Variants in DSCAM observed in about 807,000 individuals in gnomAD.
DSCAM encodes the protein DS cell adhesion molecule.
In DSCAM, 47 loss-of-function variants were observed where a neutral mutation model predicts 217.7. The observed-to-expected ratio is 0.22, with a 90% CI of 0.17 to 0.28. The LOEUF is 0.28. DSCAM is among the 10% of genes least tolerant of loss of function. DSCAM has a pLI of 1.00. For synonymous variants in DSCAM, 1,056 were observed against 1,015.3 expected (o/e 1.04, Z -0.76); for missense variants, 2,080 against 2,618.3 (o/e 0.79, Z 4.49).
At chr21:40,107,301 A>G (rs1002541416) in intron 20 of DSCAM, among the ~76,000 whole-genome samples, 9 of 152,190 alleles carry the variant, frequency 5.9e-5, no homozygotes, top group East Asian at 3.9e-4. Flanking sequence ...ATTTCTTAGT[A>G]TTGATTTTGA....
intron 26 of DSCAM, among the ~76,000 whole-genome samples, 164 bp from the exon 27 acceptor site, chr21:40,075,377 A>G (rs957902912): frequency 6.6e-6 from 1 of 152,046 alleles, no homozygotes; most frequent in African/African-American, 2.4e-5. Flanking sequence ...TTTTTTTCTT[A>G]TTTATTTCCC....
intron 3 of DSCAM, among the ~76,000 whole-genome samples, chr21:40,637,282 T>A (rs865800131): frequency 6.0e-5 from 1 of 16,648 alleles, no homozygotes; most frequent in Admixed American, 1.7e-3. Flanking sequence ...TATATATATA[T>A]AAATATATAT....
intron 3 of DSCAM, among the ~76,000 whole-genome samples, chr21:40,636,924 A>G (rs1291544750): frequency 1.3e-5 from 2 of 150,250 alleles, no homozygotes; most frequent in Admixed American, 1.4e-4. Context: ...ATCCAAGCGG[A>G]ATCAAGCCCA....
chr21:40,762,317 G>C (rs2146587109), intron 1 of DSCAM, among the ~76,000 whole-genome samples: 1 of 152,172 alleles, frequency 6.6e-6, no homozygotes, highest in Admixed American at 6.5e-5. Context: ...ACTACCATAA[G>C]AGAATACTAT....
intron 3 of DSCAM, among the ~76,000 whole-genome samples, chr21:40,392,634 C>T (rs574780234): frequency 1.3e-5 from 2 of 152,232 alleles, no homozygotes; most frequent in South Asian, 4.1e-4. Flanking sequence ...GTATCTCAGA[C>T]GCAGAAGGGA....
intron 3 of DSCAM, among the ~76,000 whole-genome samples, chr21:40,593,037 G>A (rs1293540792): frequency 6.6e-6 from 1 of 152,210 alleles, no homozygotes; most frequent in African/African-American, 2.4e-5. Context: ...CTGGATTAGA[G>A]TTCAAAATTA....
Position 40,139,830 on chromosome 21 carries a change from G to A in DSCAM, c.3406+2728C>T, listed in dbSNP as rs537506421. On this transcript the variant is annotated intron_variant, in intron 18 of 32. Transcript: ENST00000400454. ...TGTGTGGTGTGTGTGTGTGGTATGC[G>A]TGGTGTGGTATGTGTGGTGTATGTG... is the stretch of plus-strand genomic sequence containing the variant. Among the ~76,000 whole-genome samples the A allele has an allele frequency of 8.0e-5, 12 of 150,732 alleles. No individual in the cohort carries two copies. In the East Asian group the frequency reaches 9.8e-4, roughly 12 times the overall value.
At chr21:40,843,790 C>CTT (rs56383167) in intron 1 of DSCAM, among the ~76,000 whole-genome samples, 9 of 118,972 alleles carry the variant, frequency 7.6e-5, no homozygotes, top group East Asian at 2.4e-4. Context: ...CTGACTTCTT[C>CTT]TTTTTTTTTT....
chr21:40,629,273 C>T (rs2837757), intron 3 of DSCAM, among the ~76,000 whole-genome samples: 11,423 of 152,134 alleles, frequency 0.075, 529 homozygotes, highest in African/African-American at 0.11. Context: ...TACATTTCTT[C>T]GAACCCTTTA....
intron 18 of DSCAM, among the ~76,000 whole-genome samples, chr21:40,135,875 G>T (rs755454670): frequency 6.6e-6 from 1 of 152,254 alleles, no homozygotes; most frequent in Non-Finnish European, 1.5e-5. Context: ...GATGGCTGAG[G>T]CCTGTCCCTC....
intron 11 of DSCAM, among the ~76,000 whole-genome samples, chr21:40,240,956 C>A (rs971746599): frequency 1.3e-5 from 2 of 152,106 alleles, no homozygotes; most frequent in African/African-American, 4.8e-5. Context: ...TGAAACTGGA[C>A]CCCTTCCTTA....
chr21:40,032,318 T>C (rs967258321), intron 32 of DSCAM, among the ~76,000 whole-genome samples: 5 of 152,178 alleles, frequency 3.3e-5, no homozygotes, highest in African/African-American at 1.2e-4. Context: ...CCGTCTTTTA[T>C]TCAGATCTAC....
At chr21:40,202,422 C>G (rs887920501) in intron 11 of DSCAM, among the ~76,000 whole-genome samples, 1 of 152,230 alleles carries the variant, frequency 6.6e-6, no homozygotes, top group Non-Finnish European at 1.5e-5. Context: ...TTGTCTCCAT[C>G]ACCCACTGCA....
At chr21:40,021,464 C>A (rs1284604667) in intron 32 of DSCAM, among the ~76,000 whole-genome samples, 2 of 152,138 alleles carry the variant, frequency 1.3e-5, no homozygotes, top group Non-Finnish European at 2.9e-5. Context: ...CCATCCATCA[C>A]TGGGGCACCC....
intron 1 of DSCAM, among the ~76,000 whole-genome samples, chr21:40,797,306 T>C (rs1450239869): frequency 1.3e-5 from 2 of 152,212 alleles, no homozygotes; most frequent in Admixed American, 1.3e-4. Flanking sequence ...ATAACACTTA[T>C]GGATGCTGCT....
chr21:40,501,680 C>T lies in DSCAM; in HGVS notation c.509-132435G>A, dbSNP rs182323506. On this transcript the variant is annotated intron_variant, in intron 3 of 32. Transcript: ENST00000400454. ...GATCTCTGCTCACAGCAACCTCCGC[C>T]TCCCGGGTTCAAGCGATTCTCCTGT... Among the ~76,000 whole-genome samples the T allele has an allele frequency of 5.4e-4, 82 of 152,342 alleles. 1 individual carries two copies. Among genetic ancestry groups the T allele is most frequent in the South Asian group, 1.0e-3 (5 of 4,830 alleles).
At chr21:40,516,200 T>A (rs1326272772) in intron 3 of DSCAM, among the ~76,000 whole-genome samples, 2 of 152,182 alleles carry the variant, frequency 1.3e-5, no homozygotes, top group African/African-American at 2.4e-5. Context: ...TTAATTTTTT[T>A]AATAACTGCT....
intron 1 of DSCAM, among the ~76,000 whole-genome samples, chr21:40,794,372 A>G (rs1322820501): frequency 1.3e-5 from 2 of 152,140 alleles, no homozygotes; most frequent in East Asian, 3.8e-4. Flanking sequence ...ATTTGGCAAC[A>G]ATAGAAGTGG....
intron 3 of DSCAM, among the ~76,000 whole-genome samples, chr21:40,403,672 G>A (rs1569106375): frequency 6.8e-6 from 1 of 146,262 alleles, no homozygotes; most frequent in Non-Finnish European, 1.5e-5. Context: ...CAATACACAT[G>A]CCCTTCTCTC....
Sources: gnomAD v4.1 joint callset for allele counts (sites outside exome capture counted in the v4.1 genomes callset) on GRCh38, gnomAD v4.1.1 for gene constraint, MANE v1.5 for transcripts, NCBI Gene and HGNC (gene_info 2026-07-23, HGNC 2026-07-21) for gene names.